Variants in TAB3 observed in about 807,000 individuals in gnomAD.
TAB3 encodes the protein TGF-beta-activated kinase 1 and MAP3K7-binding protein 3.
Under a neutral mutation model 48.1 loss-of-function variants are expected in TAB3, and 18 were observed. The ratio of observed to expected loss-of-function variants is 0.37; its 90% CI spans 0.26 to 0.55. TAB3 has a LOEUF of 0.55. Among genes scored for constraint, TAB3 ranks in the 20% least tolerant of loss-of-function variants. The pLI, the probability that TAB3 is intolerant of heterozygous loss-of-function variation, is 0.78. For synonymous variants in TAB3, 185 were observed against 190.2 expected, an observed-to-expected ratio of 0.97 and a Z score of 0.22; for missense variants, 414 against 549.8, an observed-to-expected ratio of 0.75 and a Z score of 2.47.
At chrX:30,837,961 GT>G (rs1224864042) in intron 9 of TAB3, among the ~76,000 whole-genome samples, 2 of 112,352 alleles carry the variant, frequency 1.8e-5, no homozygotes, top group Non-Finnish European at 3.8e-5. Context: ...TGGTGCTTTT[GT>G]CAAATATCAA....
chrX:30,864,715 A>G (rs1245656900), intron 4 of TAB3, among the ~76,000 whole-genome samples: 4 of 111,842 alleles, frequency 3.6e-5, no homozygotes, highest in African/African-American at 9.8e-5. Flanking sequence ...TGAAACAGTT[A>G]TATCAGAGGT....
At chrX:30,849,792 GATTT>G (rs959517729) in intron 7 of TAB3, among the ~76,000 whole-genome samples, 2 of 111,591 alleles carry the variant, frequency 1.8e-5, no homozygotes, top group African/African-American at 3.3e-5. Context: ...CTGACTAAAT[GATTT>G]ATTTCTTGAT....
intron 1 of TAB3, among the ~76,000 whole-genome samples, chrX:30,881,574 T>C (rs755108522): frequency 6.9e-4 from 77 of 111,804 alleles, no homozygotes; most frequent in African/African-American, 2.4e-3. Context: ...TTGAACCCAA[T>C]TGATAAACTG....
chrX:30,870,285 TCA>T (rs1939626916), intron 2 of TAB3, among the ~76,000 whole-genome samples: 1 of 112,647 alleles, frequency 8.9e-6, no homozygotes, highest in Admixed American at 9.4e-5. Context: ...AAATGAATAA[TCA>T]GTCTCATTAA....
At chrX:30,862,383 G>A (rs970312857) in intron 4 of TAB3, among the ~76,000 whole-genome samples, 4 of 111,656 alleles carry the variant, frequency 3.6e-5, no homozygotes, top group Non-Finnish European at 7.5e-5. Flanking sequence ...TCCCAAAAAC[G>A]GTTTTATTCA....
intron 10 of TAB3, 97 bp from the exon 11 acceptor site, chrX:30,831,672 A>G: frequency 1.0e-6 from 1 of 976,597 alleles, no homozygotes; most frequent in East Asian, 3.3e-5. Flanking sequence ...CACAAAAATC[A>G]AGGGAGGTAA....
At chrX:30,884,997 T>C (rs950267530) in intron 1 of TAB3, among the ~76,000 whole-genome samples, 1 of 112,442 alleles carries the variant, frequency 8.9e-6, no homozygotes, top group Non-Finnish European at 1.9e-5. Flanking sequence ...ATGACAATAT[T>C]AGGCTGAGAT....
chrX:30,854,819 G>C lies in TAB3; in HGVS notation c.846C>G (p.Pro282=), dbSNP rs763669854. Residue 282 remains proline (P), a synonymous_variant, in exon 6 of 11, where the codon CCC becomes CCG. Transcript: ENST00000288422. Reference sequence around the variant, plus strand: ...CAGACTGAGGGATCTGCTGCTGTTTGGGAGAATACTGAGAAGGCTGATAGT... The same window carrying C: ...CAGACTGAGGGATCTGCTGCTGTTTCGGAGAATACTGAGAAGGCTGATAGT... ...QQNYQPSQYS[P]KQQQIPQSAY... is the part of the protein sequence containing the mutation. 2.5e-6 allele frequency: 3 copies of C among 1,209,277 alleles called. No individual in the cohort carries two copies. Among genetic ancestry groups the C allele is most frequent in the Admixed American group, 2.2e-5 (1 of 45,648 alleles).
intron 1 of TAB3, among the ~76,000 whole-genome samples, chrX:30,885,541 T>G (rs1940105704): frequency 9.0e-6 from 1 of 110,838 alleles, no homozygotes; most frequent in South Asian, 3.8e-4. Context: ...AAGGCAGAGC[T>G]GGGGTGGGAG....
chrX:30,828,657 C>T lies in TAB3; in HGVS notation c.*2770G>A, dbSNP rs548052703. 8.9e-5 allele frequency: 10 copies of T among 112,086 alleles called. No individual in the cohort carries two copies. The highest frequency in any genetic ancestry group is 2.3e-4 in the African/African-American group (7 of 30,852). The allele number at this position is 112,086 out of a possible 1,213,427, so 9.2% of individuals were successfully genotyped here. On this transcript the variant is annotated 3_prime_UTR_variant, in exon 11 of 11. Coordinates refer to ENST00000288422, the MANE Select transcript of TAB3 (RefSeq NM_152787.5). ...TCTAAAATCCCAGTTTACAAAATAG[C>T]GAAATAATGTAAAATGTATAGTCAG...
chrX:30,834,202 G>C, intron 9 of TAB3, 50 bp from the exon 10 acceptor site: 14 of 1,083,214 alleles, frequency 1.3e-5, no homozygotes, highest in Non-Finnish European at 1.8e-5. Context: ...TCTTTCAACT[G>C]CAAGAGTGAA....
intron 9 of TAB3, among the ~76,000 whole-genome samples, chrX:30,842,035 C>T: frequency 8.9e-6 from 1 of 112,511 alleles, no homozygotes; most frequent in Admixed American, 9.4e-5. Context: ...TCTCGAACTC[C>T]TGGCCTCATG....
At chrX:30,877,102 G>A (rs1030820973) in intron 1 of TAB3, among the ~76,000 whole-genome samples, 3 of 112,180 alleles carry the variant, frequency 2.7e-5, no homozygotes, top group African/African-American at 9.7e-5. Flanking sequence ...AGCAGGGGCA[G>A]AGGTGGGGAG....
intron 5 of TAB3, among the ~76,000 whole-genome samples, chrX:30,858,333 G>A (rs1245489348): frequency 9.0e-6 from 1 of 111,669 alleles, no homozygotes; most frequent in African/African-American, 3.3e-5. Flanking sequence ...ACTCCGGTGG[G>A]AAGTGTCTTT....
chrX:30,873,342 G>A (rs1231977915), intron 1 of TAB3, among the ~76,000 whole-genome samples: 2 of 108,740 alleles, frequency 1.8e-5, no homozygotes, highest in East Asian at 2.9e-4. Context: ...TCGAGACCAC[G>A]GTGAAACCCC....
intron 10 of TAB3, among the ~76,000 whole-genome samples, chrX:30,831,854 G>C (rs1301452150): frequency 8.9e-6 from 1 of 112,007 alleles, no homozygotes; most frequent in East Asian, 2.8e-4. Context: ...ATAGCGGAGA[G>C]TTATGCTTTA....
At chrX:30,851,874 G>T (rs1024491767) in intron 7 of TAB3, among the ~76,000 whole-genome samples, 1 of 112,240 alleles carries the variant, frequency 8.9e-6, no homozygotes, top group South Asian at 3.7e-4. Flanking sequence ...TCCAGCAGGA[G>T]GATTAATGTA....
At chrX:30,878,898 T>C (rs1337610629) in intron 1 of TAB3, among the ~76,000 whole-genome samples, 1 of 112,148 alleles carries the variant, frequency 8.9e-6, no homozygotes, top group South Asian at 3.6e-4. Flanking sequence ...TTTTAAAATA[T>C]TGTGAAATAA....
chrX:30,867,988 C>T (rs1465674228), intron 2 of TAB3, among the ~76,000 whole-genome samples: 4 of 105,647 alleles, frequency 3.8e-5, no homozygotes, highest in Non-Finnish European at 7.8e-5. Context: ...CCTCAACCTC[C>T]CAGGCTCAAG....
Sources: gnomAD v4.1 joint callset for allele counts (sites outside exome capture counted in the v4.1 genomes callset) on GRCh38, gnomAD v4.1.1 for gene constraint, MANE v1.5 for transcripts, NCBI Gene and HGNC (gene_info 2026-07-23, HGNC 2026-07-21) for gene names.